The following FAM117B variants were observed in gnomAD, a reference collection of about 807,000 sequenced individuals.
The protein encoded by FAM117B is protein FAM117B.
Under a neutral mutation model 52.8 loss-of-function variants are expected in FAM117B, and 22 were observed. That is an observed-to-expected ratio of 0.42 (90% CI 0.30 to 0.59). The LOEUF is 0.59. Among genes scored for constraint, FAM117B ranks in the 20% least tolerant of loss-of-function variants. The pLI, the probability that FAM117B is intolerant of heterozygous loss-of-function variation, is 0.22. For missense variants in FAM117B, 678 were observed against 802.6 expected (o/e 0.84, Z 1.88); for synonymous variants, 309 against 324.1 (o/e 0.95, Z 0.50).
At chr2:202,660,101 T>C (rs927016786) in intron 1 of FAM117B, among the ~76,000 whole-genome samples, 1 of 152,162 alleles carries the variant, frequency 6.6e-6, no homozygotes, top group Non-Finnish European at 1.5e-5. Context: ...TTTTATAGTT[T>C]CAATTTCTGT....
chr2:202,692,591 A>T (rs577771851), intron 1 of FAM117B, among the ~76,000 whole-genome samples: 2 of 152,356 alleles, frequency 1.3e-5, no homozygotes, highest in Admixed American at 6.5e-5. Context: ...TTTTAAAGGG[A>T]TAACATTTCA....
At chr2:202,717,171 G>A (rs534206335) in intron 2 of FAM117B, among the ~76,000 whole-genome samples, 2 of 152,260 alleles carry the variant, frequency 1.3e-5, no homozygotes, top group South Asian at 4.2e-4. Flanking sequence ...TCAGATATTT[G>A]CAAAGACTGG....
intron 4 of FAM117B, among the ~76,000 whole-genome samples, chr2:202,735,377 A>G (rs1691423527): frequency 6.6e-6 from 1 of 152,312 alleles, no homozygotes; most frequent in South Asian, 2.1e-4. Context: ...ATCTCTTAAC[A>G]TTGAAGGGAC....
At chr2:202,705,754 T>C (rs1690861625) in intron 2 of FAM117B, among the ~76,000 whole-genome samples, 1 of 152,234 alleles carries the variant, frequency 6.6e-6, no homozygotes, top group Admixed American at 6.5e-5. Flanking sequence ...ATTAGCTACC[T>C]ATGTGGCAAA....
intron 2 of FAM117B, among the ~76,000 whole-genome samples, chr2:202,705,153 A>C (rs1162117712): frequency 2.0e-5 from 3 of 151,866 alleles, no homozygotes; most frequent in Non-Finnish European, 4.4e-5. Flanking sequence ...CTAAAAATAC[A>C]AAATTAGCCG....
rs539187347 is a variant in FAM117B, at chr2:202,640,295, AATATATAT to A, written c.601+4548_601+4555del. Reference sequence around the variant, plus strand: ...ACAACAACCACCACCACCACCACAAAATATATATATATATATATATATATATATATATA... The same window carrying A: ...ACAACAACCACCACCACCACCACAAAATATATATATATATATATATATATA... On this transcript the variant is annotated intron_variant, in intron 1 of 7. Transcript: ENST00000392238. Among the ~76,000 whole-genome samples the A allele has an allele frequency of 8.5e-3, 438 of 51,284 alleles. 9 individuals carry two copies. The highest frequency in any genetic ancestry group is 0.034 in the East Asian group (42 of 1,224). 33.6% of individuals were successfully genotyped at this position (51,284 alleles called of 152,430 possible).
Position 202,726,339 on chromosome 2 carries a change from C to G in FAM117B, c.936C>G (p.Asn312Lys), listed in dbSNP as rs1691245213. ...DKERQSPFHG[N>K]HAAINQCQAP... ...AAAGACAGTCTCCATTTCATGGCAA[C>G]CATGCAGCTATTAACCAGTGTCAGG... The change falls in exon 4 of 8, where the codon AAC becomes AAG. Residue 312 changes from asparagine to lysine, a missense_variant. Asn to Lys is a moderately conservative substitution (Grantham distance 94). This residue lies in a region of FAM117B where 583 missense variants were observed against 644.8 expected (regional missense o/e 0.90). Transcript: ENST00000392238. The G allele has an allele frequency of 6.2e-7, 1 of 1,613,106 alleles. No individual in the cohort carries two copies. The highest frequency in any genetic ancestry group is 8.5e-7 in the Non-Finnish European group (1 of 1,179,638).
At chr2:202,665,421 A>G (rs534702024) in intron 1 of FAM117B, among the ~76,000 whole-genome samples, 19 of 152,190 alleles carry the variant, frequency 1.2e-4, no homozygotes, top group African/African-American at 3.9e-4. Flanking sequence ...AAAACTTTCT[A>G]TTTTTAAAGG....
At chr2:202,640,321 T>C (rs1202301800) in intron 1 of FAM117B, among the ~76,000 whole-genome samples, 3 of 116,188 alleles carry the variant, frequency 2.6e-5, no homozygotes, top group Non-Finnish European at 5.2e-5. Context: ...TATATATATA[T>C]ATATATATAT....
intron 1 of FAM117B, among the ~76,000 whole-genome samples, chr2:202,664,018 A>G (rs1360491070): frequency 6.6e-6 from 1 of 152,230 alleles, no homozygotes; most frequent in Non-Finnish European, 1.5e-5. Flanking sequence ...GTGCAAACTC[A>G]TTATTTCCAA....
rs535649838 is a variant in FAM117B at position 202,764,271 on chromosome 2, T to G, written c.1452-1175T>G. Among the ~76,000 whole-genome samples, 146 of 152,120 alleles carry G rather than the reference T, an allele frequency of 9.6e-4. 1 individual carries two copies. Among genetic ancestry groups the G allele is most frequent in the African/African-American group, 2.5e-3 (105 of 41,504 alleles). On this transcript the variant is annotated intron_variant, in intron 7 of 7. Transcript: ENST00000392238. Reference sequence around the variant, plus strand: ...TTTTTATTGAACTGATTTAGATTTTTTGTGTGTGTGTGAGACAGGGTCTTG... The same window carrying G: ...TTTTTATTGAACTGATTTAGATTTTGTGTGTGTGTGTGAGACAGGGTCTTG...
At chr2:202,711,870 T>C (rs1377740699) in intron 2 of FAM117B, among the ~76,000 whole-genome samples, 1 of 152,188 alleles carries the variant, frequency 6.6e-6, no homozygotes, top group Non-Finnish European at 1.5e-5. Flanking sequence ...TGGATTTATC[T>C]CTGGATTCTC....
At chr2:202,733,862 T>C (rs776381489) in intron 4 of FAM117B, among the ~76,000 whole-genome samples, 105 of 149,296 alleles carry the variant, frequency 7.0e-4, no homozygotes, top group Non-Finnish European at 1.2e-3. Flanking sequence ...GATAACAGGA[T>C]TAAGAGATTA....
chr2:202,655,726 G>C (rs866748480), intron 1 of FAM117B, among the ~76,000 whole-genome samples: 5,087 of 136,044 alleles, frequency 0.037, 121 homozygotes, highest in Non-Finnish European at 0.04. Context: ...GAGAGAGAGA[G>C]AGAGAGAGAG....
intron 1 of FAM117B, among the ~76,000 whole-genome samples, chr2:202,648,012 A>G (rs1689895527): frequency 6.6e-6 from 1 of 152,100 alleles, no homozygotes; most frequent in African/African-American, 2.4e-5. Flanking sequence ...TAATTTACCT[A>G]CCAGAATGTG....
chr2:202,731,136 G>A lies in FAM117B; in HGVS notation c.960+4773G>A, dbSNP rs149098720. ...AATTTAACAAAAACATTTAAAAATGGGCACAGGATCTGAACAGAGAGTTCT... is the reference window on the plus strand; with the variant it reads ...AATTTAACAAAAACATTTAAAAATGAGCACAGGATCTGAACAGAGAGTTCT... On this transcript the variant is annotated intron_variant, in intron 4 of 7. Coordinates refer to ENST00000392238, the MANE Select transcript of FAM117B (RefSeq NM_173511.4). Among the ~76,000 whole-genome samples the A allele has an allele frequency of 6.3e-3, 957 of 151,580 alleles. 13 individuals carry two copies. Among genetic ancestry groups the A allele is most frequent in the Non-Finnish European group, 9.7e-3 (657 of 67,862 alleles).
At chr2:202,702,355 C>G (rs1383622527) in intron 2 of FAM117B, among the ~76,000 whole-genome samples, 3 of 151,920 alleles carry the variant, frequency 2.0e-5, no homozygotes, top group Admixed American at 6.5e-5. Context: ...CACACCATTG[C>G]ACTCCCGCCT....
chr2:202,668,776 T>TATATGCCTC (rs1386592488), intron 1 of FAM117B, among the ~76,000 whole-genome samples: 1 of 152,028 alleles, frequency 6.6e-6, no homozygotes, highest in African/African-American at 2.4e-5. Context: ...ATGCATTAAA[T>TATATGCCTC]ATATGCCTCT....
chr2:202,691,692 T>C (rs867063507), intron 1 of FAM117B, among the ~76,000 whole-genome samples: 4 of 137,732 alleles, frequency 2.9e-5, no homozygotes, highest in Admixed American at 7.2e-5. Context: ...TGTGTGTGTG[T>C]GTGTGTGCGC....
Sources: gnomAD v4.1 joint callset for allele counts (sites outside exome capture counted in the v4.1 genomes callset) on GRCh38, gnomAD v4.1.1 for gene constraint, gnomAD v4.1.1 regional missense constraint, MANE v1.5 for transcripts, NCBI Gene and HGNC (gene_info 2026-07-23, HGNC 2026-07-21) for gene names.